KLHL2: variants seen among roughly 807,000 people sequenced by gnomAD.
KLHL2 encodes kelch-like protein 2.
Under a neutral mutation model 75.8 loss-of-function variants are expected in KLHL2, and 15 were observed. The ratio of observed to expected loss-of-function variants is 0.20; its 90% confidence interval spans 0.13 to 0.30. KLHL2 has a LOEUF of 0.30. KLHL2 is among the 10% of genes least tolerant of loss of function. The pLI, the probability that KLHL2 is intolerant of heterozygous loss-of-function variation, is 1.00. For missense variants in KLHL2, 381 were observed against 741.0 expected, an observed-to-expected ratio of 0.51 and a Z score of 5.64; for synonymous variants, 214 against 251.9, an observed-to-expected ratio of 0.85 and a Z score of 1.42.
At chr4:165,217,012 T>C (rs956068695) in intron 1 of KLHL2, among the ~76,000 whole-genome samples, 36 of 152,218 alleles carry the variant, frequency 2.4e-4, no homozygotes, top group Non-Finnish European at 4.4e-4. Flanking sequence ...CAGGGAATTT[T>C]AATTCCTAAG....
chr4:165,288,252 A>T (rs752783591), intron 5 of KLHL2, among the ~76,000 whole-genome samples: 1 of 152,138 alleles, frequency 6.6e-6, no homozygotes, highest in Non-Finnish European at 1.5e-5. Flanking sequence ...TGTTGAAGAG[A>T]TTGTTCTTTT....
intron 2 of KLHL2, among the ~76,000 whole-genome samples, chr4:165,220,747 A>G (rs1237556846): frequency 6.6e-6 from 1 of 152,170 alleles, no homozygotes; most frequent in Non-Finnish European, 1.5e-5. Context: ...GAAAAATGTA[A>G]CCATTGTTTT....
intron 5 of KLHL2, among the ~76,000 whole-genome samples, chr4:165,272,647 T>C (rs1273646098): frequency 1.3e-5 from 2 of 151,864 alleles, no homozygotes; most frequent in Non-Finnish European, 2.9e-5. Context: ...GCACAGGATA[T>C]CCAAACATAG....
intron 5 of KLHL2, among the ~76,000 whole-genome samples, chr4:165,286,244 A>C (rs539660737): frequency 1.2e-4 from 18 of 152,300 alleles, no homozygotes; most frequent in Admixed American, 9.8e-4. Flanking sequence ...TGTATGTGGT[A>C]CTGGTTTCAT....
intron 4 of KLHL2, among the ~76,000 whole-genome samples, chr4:165,241,781 T>TA (rs1357347006): frequency 6.6e-6 from 1 of 152,206 alleles, no homozygotes; most frequent in Admixed American, 6.5e-5. Context: ...TCTTCCATGA[T>TA]ACCATATGGT....
chr4:165,302,874 T>C (rs1029020822), intron 8 of KLHL2, among the ~76,000 whole-genome samples: 5 of 152,210 alleles, frequency 3.3e-5, no homozygotes, highest in Admixed American at 2.6e-4. Context: ...CCCCTTGCCC[T>C]CTTCAAATAT....
rs564875542 is a variant in KLHL2, at chr4:165,322,468, A to G, written c.*408A>G. 1.3e-5 allele frequency: 2 copies of G among 159,014 alleles called. No homozygotes were observed. Among genetic ancestry groups the G allele is most frequent in the South Asian group, 3.8e-4 (2 of 5,294 alleles). 9.9% of individuals were successfully genotyped at this position (159,014 alleles called of 1,614,324 possible). On this transcript the variant is annotated 3_prime_UTR_variant, in exon 15 of 15. Coordinates refer to ENST00000226725, the MANE Select transcript of KLHL2 (RefSeq NM_007246.4). ...AAAAATCTGTATACCAGGAACTGAA[A>G]ATCTTTGAACAGATATTAAAATCTA...
At chr4:165,261,250 C>A (rs544958560) in intron 4 of KLHL2, among the ~76,000 whole-genome samples, 1 of 152,374 alleles carries the variant, frequency 6.6e-6, no homozygotes, top group South Asian at 2.1e-4. Flanking sequence ...TTAAAGCCTT[C>A]TGTGGATATT....
chr4:165,299,985 G>C (rs1170923721), intron 8 of KLHL2, among the ~76,000 whole-genome samples: 9 of 152,080 alleles, frequency 5.9e-5, no homozygotes, highest in African/African-American at 2.2e-4. Context: ...AATCAGACCA[G>C]GTAGAAGGAT....
intron 5 of KLHL2, among the ~76,000 whole-genome samples, chr4:165,266,253 T>A (rs1174683529): frequency 1.3e-5 from 2 of 152,350 alleles, no homozygotes; most frequent in African/African-American, 4.8e-5. Context: ...GCAAATATTT[T>A]CTCCCATTCT....
At chr4:165,217,143 A>G (rs1737601399) in intron 1 of KLHL2, among the ~76,000 whole-genome samples, 1 of 152,226 alleles carries the variant, frequency 6.6e-6, no homozygotes, top group African/African-American at 2.4e-5. Flanking sequence ...GCTAATCCTC[A>G]GTATAACATT....
At chr4:165,248,423 TAAA>T (rs751932365) in intron 4 of KLHL2, among the ~76,000 whole-genome samples, 3 of 152,042 alleles carry the variant, frequency 2.0e-5, no homozygotes, top group Non-Finnish European at 4.4e-5. Context: ...GTTGGCCAAG[TAAA>T]AAAAGTCATC....
At chr4:165,284,609 T>C (rs1399028296) in intron 5 of KLHL2, among the ~76,000 whole-genome samples, 1 of 152,182 alleles carries the variant, frequency 6.6e-6, no homozygotes, top group African/African-American at 2.4e-5. Context: ...TTTCTCACAT[T>C]TTTCTGTCAT....
intron 5 of KLHL2, among the ~76,000 whole-genome samples, chr4:165,272,230 A>G (rs1224112001): frequency 3.3e-5 from 5 of 152,248 alleles, no homozygotes; most frequent in African/African-American, 1.2e-4. Flanking sequence ...ATGAGCTTTT[A>G]GAACACAACC....
chr4:165,213,045 T>C (rs949343619), intron 1 of KLHL2, among the ~76,000 whole-genome samples: 6 of 152,238 alleles, frequency 3.9e-5, no homozygotes, highest in African/African-American at 1.4e-4. Flanking sequence ...TTTCCACTTA[T>C]TCAATGGGAT....
At chr4:165,231,901 A>G (rs1323962720) in intron 3 of KLHL2, among the ~76,000 whole-genome samples, 1 of 152,166 alleles carries the variant, frequency 6.6e-6, no homozygotes, top group African/African-American at 2.4e-5. Flanking sequence ...CTATTTCTCC[A>G]CATCCTTGCC....
intron 3 of KLHL2, among the ~76,000 whole-genome samples, chr4:165,232,741 T>C (rs1190181161): frequency 1.3e-5 from 2 of 151,986 alleles, no homozygotes; most frequent in African/African-American, 4.8e-5. Flanking sequence ...TATGACCCTG[T>C]CTCAAAAAAT....
intron 1 of KLHL2, among the ~76,000 whole-genome samples, chr4:165,209,129 C>G (rs1426515531): frequency 6.6e-6 from 1 of 152,130 alleles, no homozygotes; most frequent in Non-Finnish European, 1.5e-5. Flanking sequence ...CTGACAGAAG[C>G]AGGGGCTTAG....
chr4:165,224,238 A>C (rs1244679534), intron 2 of KLHL2, among the ~76,000 whole-genome samples: 1 of 151,526 alleles, frequency 6.6e-6, no homozygotes, highest in Non-Finnish European at 1.5e-5. Flanking sequence ...AAAAAAAAAA[A>C]AACCTACTGT....
Sources: gnomAD v4.1 joint callset for allele counts (sites outside exome capture counted in the v4.1 genomes callset) on GRCh38, gnomAD v4.1.1 for gene constraint, MANE v1.5 for transcripts, NCBI Gene and HGNC (gene_info 2026-07-23, HGNC 2026-07-21) for gene names.